WDFY1: variants seen among roughly 807,000 people sequenced by gnomAD.
The protein encoded by WDFY1 is WD repeat and FYVE domain containing 1, also known as WD repeat and FYVE domain-containing protein 1.
Under a neutral mutation model 56.4 loss-of-function variants are expected in WDFY1, and 32 were observed. The observed-to-expected ratio is 0.57, with a 90% CI of 0.43 to 0.76. WDFY1 has a LOEUF of 0.76. Ranked by LOEUF, WDFY1 falls within the 30% of genes least tolerant of loss-of-function variation. The pLI is 0.00. For missense variants in WDFY1, 480 were observed against 545.7 expected, an observed-to-expected ratio of 0.88 and a Z score of 1.20; for synonymous variants, 192 against 197.3, an observed-to-expected ratio of 0.97 and a Z score of 0.23.
intron 2 of WDFY1, 105 bp downstream of exon 2, chr2:223,917,838 C>T: frequency 7.3e-7 from 1 of 1,362,034 alleles, no homozygotes; most frequent in East Asian, 2.4e-5. Flanking sequence ...TCTCAAAGTG[C>T]TGGGATTACA....
In WDFY1 at chr2:223,876,821, C is replaced by T. The variant is rs1338508397; in HGVS notation, c.*1850G>A. 1.3e-5 allele frequency: 2 copies of T among 152,184 alleles called. No individual in the cohort carries two copies. Among genetic ancestry groups the T allele is most frequent in the Non-Finnish European group, 2.9e-5 (2 of 68,026 alleles). 9.4% of individuals were successfully genotyped at this position (152,184 alleles called of 1,614,324 possible). On this transcript the variant is annotated 3_prime_UTR_variant, in exon 12 of 12. Coordinates refer to ENST00000233055, the MANE Select transcript of WDFY1 (RefSeq NM_020830.5). ...CAAGGAATTGATCATATTCTATTTT[C>T]CTTTCAGGAATTCATAAAATCCCTA...
intron 1 of WDFY1, 73 bp downstream of exon 1, chr2:223,945,075 G>A: frequency 1.4e-6 from 2 of 1,476,086 alleles, no homozygotes; most frequent in Non-Finnish European, 8.9e-7. Flanking sequence ...GAAGGACCGG[G>A]GCCGCGGACC....
At chr2:223,883,677 G>A (rs9798160) in intron 9 of WDFY1, among the ~76,000 whole-genome samples, 7,937 of 152,044 alleles carry the variant, frequency 0.052, 440 homozygotes, top group East Asian at 0.27. Flanking sequence ...ATGGAGTCTC[G>A]CTCTGTCACT....
chr2:223,930,360 G>A (rs994799046), intron 1 of WDFY1, among the ~76,000 whole-genome samples: 3 of 152,118 alleles, frequency 2.0e-5, no homozygotes, highest in South Asian at 2.1e-4. Flanking sequence ...GACGGAGTCC[G>A]GTTCTGTCAC....
At chr2:223,906,391 T>C (rs775742893) in intron 3 of WDFY1, among the ~76,000 whole-genome samples, 1 of 152,134 alleles carries the variant, frequency 6.6e-6, no homozygotes, top group Non-Finnish European at 1.5e-5. Context: ...AGCTCTCAGC[T>C]ACAGTAAAAA....
intron 1 of WDFY1, among the ~76,000 whole-genome samples, chr2:223,921,965 C>G (rs1574775822): frequency 6.6e-6 from 1 of 152,108 alleles, no homozygotes; most frequent in East Asian, 1.9e-4. Flanking sequence ...GTGTGCTGAC[C>G]CCCAGCTACC....
chr2:223,942,941 G>A (rs1574786224), intron 1 of WDFY1, among the ~76,000 whole-genome samples: 1 of 151,192 alleles, frequency 6.6e-6, no homozygotes, highest in Non-Finnish European at 1.5e-5. Context: ...CCAACACTTC[G>A]GGAGGCCAAG....
At chr2:223,906,175 G>A (rs747910651) in intron 3 of WDFY1, among the ~76,000 whole-genome samples, 174 bp from the exon 4 acceptor site, 21 of 152,306 alleles carry the variant, frequency 1.4e-4, no homozygotes, top group Admixed American at 2.6e-4. Context: ...CCTGTCCTCA[G>A]GCCAACATTG....
chr2:223,940,103 G>A (rs1210386258), intron 1 of WDFY1, among the ~76,000 whole-genome samples: 1 of 152,134 alleles, frequency 6.6e-6, no homozygotes, highest in Non-Finnish European at 1.5e-5. Context: ...GGTGGATCAC[G>A]AGGTTTGGAG....
intron 1 of WDFY1, 62 bp from the exon 2 acceptor site, chr2:223,918,072 T>A: frequency 6.4e-7 from 1 of 1,561,786 alleles, no homozygotes; most frequent in East Asian, 2.3e-5. Context: ...TTGTGTTCCA[T>A]GAGAACTTAA....
chr2:223,882,397 G>A (rs1693087240), intron 9 of WDFY1, among the ~76,000 whole-genome samples: 1 of 152,198 alleles, frequency 6.6e-6, no homozygotes, highest in South Asian at 2.1e-4. Flanking sequence ...ACAGGCGTGA[G>A]CCACTGCGCC....
rs114025342 is a variant in WDFY1, at chr2:223,907,764, G to A, written c.280-1763C>T. ...TGCATTTCCAGCACCCTCACCTGCC[G>A]CCTGCTGCTGTGTGAACTGCATGGG... On this transcript the variant is annotated intron_variant, in intron 3 of 11. Transcript: ENST00000233055. 2.1e-3 allele frequency among the ~76,000 whole-genome samples: 322 copies of A among 152,192 alleles called. 2 individuals are homozygous for A. Among genetic ancestry groups the A allele is most frequent in the African/African-American group, 7.6e-3 (314 of 41,528 alleles).
In WDFY1 at chr2:223,884,977, G is replaced by C. The variant is rs182997474; in HGVS notation, c.832-228C>G. Among the ~76,000 whole-genome samples, 217 of 151,634 alleles carry C rather than the reference G, an allele frequency of 1.4e-3. 2 individuals are homozygous for C. Among genetic ancestry groups the C allele is most frequent in the Middle Eastern group, 6.8e-3 (2 of 294 alleles). On this transcript the variant is annotated intron_variant, in intron 8 of 11. Transcript: ENST00000233055. The stretch of plus-strand genomic sequence containing the variant: ...CTGCCTCAGGCTCCCAAGTGGCTGG[G>C]ACTACAGGCATGCACTACCACTCCA...
chr2:223,933,573 T>C (rs1194316153), intron 1 of WDFY1, among the ~76,000 whole-genome samples: 2 of 151,904 alleles, frequency 1.3e-5, no homozygotes, highest in East Asian at 1.9e-4. Flanking sequence ...GTAATCCCAG[T>C]ACTCTGGGAG....
chr2:223,921,213 G>A (rs1423430173), intron 1 of WDFY1, among the ~76,000 whole-genome samples: 1 of 152,112 alleles, frequency 6.6e-6, no homozygotes, highest in Non-Finnish European at 1.5e-5. Context: ...ACTAGTAGTT[G>A]GTCTTTATTT....
At chr2:223,893,235 G>C (rs932016106) in intron 8 of WDFY1, among the ~76,000 whole-genome samples, 1 of 151,780 alleles carries the variant, frequency 6.6e-6, no homozygotes, top group African/African-American at 2.4e-5. Flanking sequence ...TTAAAAAAGA[G>C]AATGTACACA....
At position 223,945,327 on chromosome 2, in the gene WDFY1, T is replaced by G. The variant is rs1007684735; in HGVS notation, c.-43A>C. ...TGCGGCCTCCTCGGCAGGCAGCCCA[T>G]CAGCTGACGCCTGGGCGGGCGGGGG... On this transcript the variant is annotated 5_prime_UTR_variant, in exon 1 of 12. The change abolishes an upstream ATG in the 5' untranslated region. Transcript: ENST00000233055. The G allele has an allele frequency of 3.3e-6, 5 of 1,531,164 alleles. No homozygotes were observed. Among genetic ancestry groups the G allele is most frequent in the East Asian group, 2.6e-5 (1 of 37,852 alleles). 94.8% of individuals were successfully genotyped at this position (1,531,164 alleles called of 1,614,324 possible).
intron 1 of WDFY1, among the ~76,000 whole-genome samples, chr2:223,921,577 T>C (rs1693885629): frequency 6.6e-6 from 1 of 152,120 alleles, no homozygotes. Flanking sequence ...TATGTATAGA[T>C]ATTTGAGGAT....
At position 223,928,597 on chromosome 2, in the gene WDFY1, C is replaced by G. The variant is rs181355075; in HGVS notation, c.138-10587G>C. Among the ~76,000 whole-genome samples, 7 of 152,254 alleles carry G rather than the reference C, an allele frequency of 4.6e-5. No homozygotes were observed. In the East Asian group the frequency reaches 1.3e-3, roughly 29 times the overall value. ...TTATGTGGTTTTCAAGAGTGGCTAC[C>G]TAAAATTCTACATGTTAAAATGTTC... is the stretch of plus-strand genomic sequence containing the variant. On this transcript the variant is annotated intron_variant, in intron 1 of 11. Transcript: ENST00000233055.
Sources: gnomAD v4.1 joint callset for allele counts (sites outside exome capture counted in the v4.1 genomes callset) on GRCh38, gnomAD v4.1.1 for gene constraint, MANE v1.5 for transcripts, NCBI Gene and HGNC (gene_info 2026-07-23, HGNC 2026-07-21) for gene names.